Variants in ATP9A observed in about 807,000 individuals in gnomAD.
The protein encoded by ATP9A is probable phospholipid-transporting ATPase IIA.
A neutral mutation model predicts 144.1 loss-of-function variants in ATP9A; 52 were observed. That is an observed-to-expected ratio of 0.36 (90% CI 0.29 to 0.45). ATP9A has a LOEUF of 0.45. ATP9A is among the 20% of genes least tolerant of loss of function. The pLI is 1.00. For missense variants in ATP9A, 947 were observed against 1,392.7 expected (o/e 0.68, Z 5.09); for synonymous variants, 582 against 557.4 (o/e 1.04, Z -0.62).
chr20:51,671,169 T>C lies in ATP9A; in HGVS notation c.1126A>G (p.Ser376Gly). 6.2e-7 allele frequency: 1 copy of C among 1,614,154 alleles called. No individual in the cohort carries two copies. The highest frequency in any genetic ancestry group is 8.5e-7 in the Non-Finnish European group (1 of 1,180,006). Residue 376 changes from serine to glycine, a missense_variant, in exon 12 of 28, where the codon AGC becomes GGC. Coordinates refer to ENST00000338821, the MANE Select transcript of ATP9A (RefSeq NM_006045.3). The stretch of plus-strand genomic sequence containing the variant: ...CTGCCCAGCTGCTCAGGAATCGTGC[T>C]GGAGCGAACCACGGTCCCGGGGATT... ...SKIPGTVVRS[S>G]TIPEQLGRIS...
chr20:51,639,612 A>C, intron 14 of ATP9A, 108 bp from the exon 15 acceptor site: 1 of 1,188,392 alleles, frequency 8.4e-7, no homozygotes, highest in Admixed American at 2.7e-5. Flanking sequence ...GGGGAATCAC[A>C]GTAGTCACTG....
At chr20:51,754,851 T>C (rs781346692) in intron 1 of ATP9A, among the ~76,000 whole-genome samples, 6 of 149,766 alleles carry the variant, frequency 4.0e-5, no homozygotes, top group Non-Finnish European at 8.9e-5. Context: ...TGGTGGCCCA[T>C]GCCTGTAATC....
intron 26 of ATP9A, among the ~76,000 whole-genome samples, chr20:51,605,299 T>C (rs947776642): frequency 2.6e-5 from 4 of 151,904 alleles, no homozygotes; most frequent in African/African-American, 4.8e-5. Context: ...ATGAAAGAAA[T>C]AGAAAGTTAA....
chr20:51,642,209 C>G (rs6021339), intron 14 of ATP9A, among the ~76,000 whole-genome samples: 37,680 of 151,788 alleles, frequency 0.25, 4,986 homozygotes, highest in Non-Finnish European at 0.28. Context: ...GGCTGGAGTG[C>G]AGTGGTGCGA....
chr20:51,609,444 C>T (rs1050658951), intron 24 of ATP9A, among the ~76,000 whole-genome samples: 1 of 152,152 alleles, frequency 6.6e-6, no homozygotes, highest in Non-Finnish European at 1.5e-5. Flanking sequence ...GAAGTGGCCT[C>T]AGCTGCATGT....
At chr20:51,703,364 T>C (rs528652154) in intron 4 of ATP9A, among the ~76,000 whole-genome samples, 1 of 152,342 alleles carries the variant, frequency 6.6e-6, no homozygotes, top group South Asian at 2.1e-4. Context: ...CTCCAAGATT[T>C]TTAAACGCAT....
At chr20:51,742,818 CCTTT>C (rs2077790936) in intron 1 of ATP9A, among the ~76,000 whole-genome samples, 1 of 152,128 alleles carries the variant, frequency 6.6e-6, no homozygotes, top group Non-Finnish European at 1.5e-5. Context: ...CCTGGCCCCT[CCTTT>C]CTTTATTGCT....
chr20:51,755,783 G>A (rs1012865646), intron 1 of ATP9A, among the ~76,000 whole-genome samples: 68 of 152,066 alleles, frequency 4.5e-4, no homozygotes, highest in African/African-American at 1.6e-3. Flanking sequence ...GTGAAACCTC[G>A]TCTCTATGAA....
At chr20:51,602,260 A>G (rs1420226295) in intron 27 of ATP9A, among the ~76,000 whole-genome samples, 2 of 152,204 alleles carry the variant, frequency 1.3e-5, no homozygotes, top group East Asian at 1.9e-4. Context: ...GTGGCTTTCA[A>G]TATAGCAGAA....
intron 3 of ATP9A, among the ~76,000 whole-genome samples, chr20:51,713,466 A>G (rs529500960): frequency 6.6e-6 from 1 of 152,342 alleles, no homozygotes; most frequent in South Asian, 2.1e-4. Flanking sequence ...AGTGCACTTC[A>G]TCCTCATAAC....
At chr20:51,638,585 G>A (rs1377515209) in intron 15 of ATP9A, among the ~76,000 whole-genome samples, 2 of 152,074 alleles carry the variant, frequency 1.3e-5, no homozygotes, top group Non-Finnish European at 2.9e-5. Context: ...ACAGAGGGAT[G>A]GGCACAGTGG....
At position 51,639,726 on chromosome 20, in the gene ATP9A, T is replaced by A. The variant is rs114589824; in HGVS notation, c.1507-222A>T. ...AAGCTGCCCCTCTATAAGGCACAAT[T>A]CATCTTTTCTAGGCTCAAAACAGGC... On this transcript the variant is annotated intron_variant, in intron 14 of 27. Transcript: ENST00000338821. Among the ~76,000 whole-genome samples, 815 of 152,214 alleles carry A rather than the reference T, an allele frequency of 5.4e-3. 6 individuals carry two copies. Among genetic ancestry groups the A allele is most frequent in the African/African-American group, 0.018 (760 of 41,526 alleles).
At chr20:51,667,674 C>T (rs976139997) in intron 13 of ATP9A, among the ~76,000 whole-genome samples, 3 of 152,002 alleles carry the variant, frequency 2.0e-5, no homozygotes, top group Non-Finnish European at 2.9e-5. Context: ...GAAGGAAAGC[C>T]GGGCAGCTAC....
intron 4 of ATP9A, among the ~76,000 whole-genome samples, chr20:51,699,681 C>G (rs1051445530): frequency 3.9e-5 from 6 of 151,936 alleles, no homozygotes; most frequent in African/African-American, 1.4e-4. Flanking sequence ...CTCGCTCTGT[C>G]ACCCAGGCTG....
chr20:51,697,357 G>A, intron 5 of ATP9A, 67 bp downstream of exon 5: 2 of 1,462,038 alleles, frequency 1.4e-6, no homozygotes, highest in Non-Finnish European at 1.9e-6. Context: ...TCGTCTACCA[G>A]ATACACAAAT....
chr20:51,751,681 G>A (rs879712296), intron 1 of ATP9A, among the ~76,000 whole-genome samples: 5 of 152,012 alleles, frequency 3.3e-5, no homozygotes, highest in Non-Finnish European at 7.4e-5. Flanking sequence ...TCCGCCTCCC[G>A]GGTTCACGCC....
At chr20:51,709,690 G>A (rs1480609695) in intron 4 of ATP9A, among the ~76,000 whole-genome samples, 1 of 152,296 alleles carries the variant, frequency 6.6e-6, no homozygotes, top group African/African-American at 2.4e-5. Flanking sequence ...TCCCACCACT[G>A]CACTCCAACC....
At chr20:51,675,818 T>C (rs547034232) in intron 10 of ATP9A, among the ~76,000 whole-genome samples, 75 of 149,010 alleles carry the variant, frequency 5.0e-4, no homozygotes, top group African/African-American at 1.2e-3. Context: ...AGGCAGAGGT[T>C]ACAGTGAGCC....
intron 1 of ATP9A, among the ~76,000 whole-genome samples, chr20:51,766,526 T>C (rs2077904451): frequency 6.6e-6 from 1 of 152,156 alleles, no homozygotes; most frequent in South Asian, 2.1e-4. Flanking sequence ...CCAGGCATAG[T>C]GTTCAAGTCA....
Sources: allele counts gnomAD v4.1 joint callset (sites outside exome capture counted in the v4.1 genomes callset), GRCh38; gene constraint gnomAD v4.1.1; transcripts MANE v1.5; gene names NCBI Gene and HGNC (gene_info 2026-07-23, HGNC 2026-07-21).